Variants in FAM13A observed in about 807,000 individuals in gnomAD.
FAM13A encodes the protein protein FAM13A.
Under a neutral mutation model 129.6 loss-of-function variants are expected in FAM13A, and 76 were observed. The observed-to-expected ratio is 0.59, with a 90% CI of 0.49 to 0.71. The LOEUF (loss-of-function observed/expected upper bound fraction) is 0.71. FAM13A is among the 30% of genes least tolerant of loss of function. FAM13A has a pLI of 0.00. For missense variants in FAM13A, 1,108 were observed against 1,249.3 expected, an observed-to-expected ratio of 0.89 and a Z score of 1.70; for synonymous variants, 443 against 449.9, an observed-to-expected ratio of 0.98 and a Z score of 0.20.
chr4:88,913,255 AGAGGAAGAAGTG>A (rs1404639709), intron 5 of FAM13A, among the ~76,000 whole-genome samples: 1 of 132,090 alleles, frequency 7.6e-6, no homozygotes, highest in African/African-American at 2.9e-5. Flanking sequence ...AGGAAGAAGA[AGAGGAAGAAGTG>A]GAGGAGGAAG....
At chr4:88,767,420 T>G in intron 13 of FAM13A, 133 bp downstream of exon 13, 1 of 505,872 alleles carries the variant, frequency 2.0e-6, no homozygotes, top group East Asian at 3.2e-5. Flanking sequence ...AGTTTGGTAT[T>G]TGCCTTTCTA....
At chr4:88,851,405 CA>C (rs929135507) in intron 6 of FAM13A, among the ~76,000 whole-genome samples, 1 of 151,926 alleles carries the variant, frequency 6.6e-6, no homozygotes, top group African/African-American at 2.4e-5. Context: ...GGAGAACATT[CA>C]AACCTTATAT....
intron 1 of FAM13A, among the ~76,000 whole-genome samples, chr4:89,035,857 C>G (rs530229017): frequency 2.5e-4 from 38 of 152,298 alleles, no homozygotes; most frequent in Non-Finnish European, 3.1e-4. Flanking sequence ...TCCTGTACAG[C>G]CTGCAGAACT....
At chr4:88,887,621 C>T (rs532167421) in intron 6 of FAM13A, among the ~76,000 whole-genome samples, 19 of 150,480 alleles carry the variant, frequency 1.3e-4, no homozygotes, top group East Asian at 5.9e-4. Flanking sequence ...GCCTTTGCCT[C>T]GAGGGATCAA....
intron 6 of FAM13A, among the ~76,000 whole-genome samples, chr4:88,892,963 A>C (rs1475454686): frequency 6.6e-6 from 1 of 152,200 alleles, no homozygotes; most frequent in Non-Finnish European, 1.5e-5. Flanking sequence ...AAACTGAGAA[A>C]AGGTACTTTG....
chr4:89,022,908 T>C (rs1767458927), intron 2 of FAM13A, among the ~76,000 whole-genome samples: 1 of 152,094 alleles, frequency 6.6e-6, no homozygotes, highest in Non-Finnish European at 1.5e-5. Flanking sequence ...AACAACCACA[T>C]GAATGAGCTT....
intron 4 of FAM13A, among the ~76,000 whole-genome samples, chr4:88,978,287 T>C (rs941534741): frequency 6.6e-6 from 1 of 152,236 alleles, no homozygotes; most frequent in Non-Finnish European, 1.5e-5. Flanking sequence ...TTTTTTAATC[T>C]TTAAAAGTCT....
intron 7 of FAM13A, among the ~76,000 whole-genome samples, chr4:88,813,050 C>T (rs1403305782): frequency 1.3e-5 from 2 of 151,892 alleles, no homozygotes; most frequent in Non-Finnish European, 2.9e-5. Context: ...TTCTTTTTTC[C>T]AACTGCACAA....
intron 6 of FAM13A, among the ~76,000 whole-genome samples, chr4:88,852,362 A>G (rs1045289879): frequency 6.6e-6 from 1 of 152,074 alleles, no homozygotes; most frequent in African/African-American, 2.4e-5. Context: ...TGGTTTCACC[A>G]TGTTGGCCTG....
At chr4:88,905,323 G>A (rs1747971677) in intron 6 of FAM13A, among the ~76,000 whole-genome samples, 1 of 152,188 alleles carries the variant, frequency 6.6e-6, no homozygotes, top group South Asian at 2.1e-4. Flanking sequence ...TTTTAGTACA[G>A]ATGGGGTTTC....
chr4:88,936,924 TTCAAAGTACCATAGGCAC>T (rs1753947043), intron 5 of FAM13A: 2 of 152,192 alleles, frequency 1.3e-5, no homozygotes, highest in Admixed American at 1.3e-4. Flanking sequence ...AGAGATCCTT[TTCAAAGTACCATAGGCAC>T]TAGAGGAACA....
intron 11 of FAM13A, 64 bp downstream of exon 11, chr4:88,781,101 C>A: frequency 2.5e-6 from 3 of 1,177,414 alleles, no homozygotes; most frequent in Non-Finnish European, 3.5e-6. Context: ...AATTTTTTTA[C>A]AAAGCAAAGA....
intron 14 of FAM13A, among the ~76,000 whole-genome samples, chr4:88,751,384 G>GT (rs1269983013): frequency 1.3e-5 from 2 of 152,200 alleles, no homozygotes; most frequent in Non-Finnish European, 2.9e-5. Context: ...GAGAGCCTAT[G>GT]TATTTAGGAG....
Position 89,055,911 on chromosome 4 carries a change from T to C in FAM13A, c.27+1027A>G, listed in dbSNP as rs1477190412. Among the ~76,000 whole-genome samples the C allele has an allele frequency of 2.0e-5, 3 of 152,144 alleles. 1 individual carries two copies. Among genetic ancestry groups the C allele is most frequent in the Admixed American group, 6.6e-5 (1 of 15,258 alleles). The stretch of plus-strand genomic sequence containing the variant: ...GGCTGGTCTACCATTTGGTGACCAT[T>C]TGGTGACCATTTGGTGTCTGTGTGT... On this transcript the variant is annotated intron_variant, in intron 1 of 23. Transcript: ENST00000264344.
chr4:88,866,863 A>T (rs1740550402), intron 6 of FAM13A, among the ~76,000 whole-genome samples: 1 of 152,220 alleles, frequency 6.6e-6, no homozygotes. Flanking sequence ...ACTCCTACCT[A>T]CATACCCTGA....
At chr4:88,905,355 CTT>C (rs1397486671) in intron 6 of FAM13A, among the ~76,000 whole-genome samples, 1 of 151,734 alleles carries the variant, frequency 6.6e-6, no homozygotes, top group East Asian at 1.9e-4. Context: ...CAGACTGGTC[CTT>C]TTTCTTTCTT....
intron 4 of FAM13A, among the ~76,000 whole-genome samples, chr4:88,980,320 G>C (rs1471427930): frequency 6.6e-6 from 1 of 152,134 alleles, no homozygotes; most frequent in Non-Finnish European, 1.5e-5. Context: ...TATACTGTGG[G>C]GGGTTTTGTT....
At chr4:88,902,148 A>C (rs1301111640) in intron 6 of FAM13A, among the ~76,000 whole-genome samples, 1 of 152,218 alleles carries the variant, frequency 6.6e-6, no homozygotes, top group African/African-American at 2.4e-5. Context: ...CCAGGACCAG[A>C]AAGATTTGCA....
intron 6 of FAM13A, among the ~76,000 whole-genome samples, chr4:88,901,182 C>G (rs1747239097): frequency 6.6e-6 from 1 of 152,100 alleles, no homozygotes; most frequent in Non-Finnish European, 1.5e-5. Context: ...TAGACTCCCT[C>G]ACAATAATAG....
Sources: gnomAD v4.1 joint callset for allele counts (sites outside exome capture counted in the v4.1 genomes callset) on GRCh38, gnomAD v4.1.1 for gene constraint, MANE v1.5 for transcripts, NCBI Gene and HGNC (gene_info 2026-07-23, HGNC 2026-07-21) for gene names.